Variants in L2HGDH observed in about 807,000 individuals in gnomAD.
L2HGDH encodes the protein L-2-hydroxyglutarate dehydrogenase, mitochondrial.
In L2HGDH, 34 loss-of-function variants were observed where a neutral mutation model predicts 51.5. The ratio of observed to expected loss-of-function variants is 0.66; its 90% CI spans 0.50 to 0.88. The LOEUF (loss-of-function observed/expected upper bound fraction) is 0.88. Ranked by LOEUF, L2HGDH falls within the 40% of genes least tolerant of loss-of-function variation. The pLI, the probability that L2HGDH is intolerant of heterozygous loss-of-function variation, is 0.00. For missense variants in L2HGDH, 558 were observed against 571.9 expected (o/e 0.98, Z 0.25); for synonymous variants, 198 against 197.9 (o/e 1.00, Z -0.01).
At chr14:50,309,671 A>C (rs945322684) in intron 1 of L2HGDH, among the ~76,000 whole-genome samples, 4 of 148,766 alleles carry the variant, frequency 2.7e-5, no homozygotes, top group African/African-American at 9.9e-5. Context: ...GTGGCAATAG[A>C]ATATTTTTAT....
At chr14:50,253,677 C>A (rs1033538739) in intron 9 of L2HGDH, among the ~76,000 whole-genome samples, 10 of 152,080 alleles carry the variant, frequency 6.6e-5, no homozygotes, top group Non-Finnish European at 2.9e-5. Flanking sequence ...AATCCCACTG[C>A]TGGATATATA....
chr14:50,305,824 ATG>A (rs1241477233), intron 1 of L2HGDH, among the ~76,000 whole-genome samples: 1 of 152,216 alleles, frequency 6.6e-6, no homozygotes, highest in Non-Finnish European at 1.5e-5. Flanking sequence ...TGTATACGAA[ATG>A]GCACAGTATT....
chr14:50,266,507 G>GT (rs1889342624), intron 8 of L2HGDH, among the ~76,000 whole-genome samples: 2 of 152,138 alleles, frequency 1.3e-5, no homozygotes, highest in Admixed American at 1.3e-4. Context: ...TCTGGGCATG[G>GT]TAGCATCTGC....
At position 50,244,324 on chromosome 14, in the gene L2HGDH, C is replaced by T; in HGVS notation, c.*2734G>A. On this transcript the variant is annotated 3_prime_UTR_variant, in exon 10 of 10. Transcript: ENST00000267436. The stretch of plus-strand genomic sequence containing the variant: ...ACAGTGTAAAAGTGTTCCTATTTCT[C>T]CACATCCTCTCCAGCACCTGTTGTT... 1 of 923,702 alleles carries T rather than the reference C, an allele frequency of 1.1e-6. No individual in the cohort carries two copies. The highest frequency in any genetic ancestry group is 1.3e-6 in the Non-Finnish European group (1 of 773,754). The allele number at this position is 923,702 out of a possible 1,614,324, so 57.2% of individuals were successfully genotyped here.
intron 3 of L2HGDH, among the ~76,000 whole-genome samples, chr14:50,297,348 T>C (rs984206533): frequency 4.0e-5 from 6 of 149,868 alleles, no homozygotes. Flanking sequence ...ATCCTGCATA[T>C]AGTAAAGCCT....
At position 50,247,198 on chromosome 14, in the gene L2HGDH, C is replaced by T; in HGVS notation, c.1252G>A (p.Asp418Asn). The T allele has an allele frequency of 3.1e-6, 5 of 1,614,162 alleles. No homozygotes were observed. The highest frequency in any genetic ancestry group is 4.2e-6 in the Non-Finnish European group (5 of 1,180,026). Residue 418 changes from aspartate to asparagine, a missense_variant, in exon 10 of 10, where the codon GAT becomes AAT. By Grantham distance (23) the Asp-to-Asn change is conservative. Coordinates refer to ENST00000267436, the MANE Select transcript of L2HGDH (RefSeq NM_024884.3). ...ALDRDGNLVE[D>N]FVFDAGVGDI... ...CCAACTCCTGCATCAAATACAAAAT[C>T]TTCTACCAGATTTCCATCTCTATCC...
intron 5 of L2HGDH, among the ~76,000 whole-genome samples, chr14:50,280,143 G>C (rs1231129326): frequency 1.3e-5 from 2 of 149,282 alleles, no homozygotes; most frequent in East Asian, 3.9e-4. Context: ...ACCTCTCTAA[G>C]ACTGAGCCAC....
At chr14:50,285,165 T>C (rs564919100) in intron 4 of L2HGDH, among the ~76,000 whole-genome samples, 90 of 152,310 alleles carry the variant, frequency 5.9e-4, no homozygotes, top group Non-Finnish European at 1.1e-3. Flanking sequence ...GAGAATTGCT[T>C]GAACCCCAGA....
chr14:50,279,502 C>G (rs1299513764), intron 5 of L2HGDH, among the ~76,000 whole-genome samples: 1 of 152,018 alleles, frequency 6.6e-6, no homozygotes, highest in African/African-American at 2.4e-5. Context: ...TTACTAGGTG[C>G]TATTTCCAGA....
chr14:50,253,193 A>G (rs965945324), intron 9 of L2HGDH, among the ~76,000 whole-genome samples: 1 of 152,246 alleles, frequency 6.6e-6, no homozygotes, highest in Admixed American at 6.6e-5. Flanking sequence ...GGATCACATC[A>G]AGTTAAAAAG....
intron 6 of L2HGDH, among the ~76,000 whole-genome samples, chr14:50,276,319 A>T (rs1037969747): frequency 6.6e-6 from 1 of 152,264 alleles, no homozygotes; most frequent in Non-Finnish European, 1.5e-5. Flanking sequence ...GAAGGAAATT[A>T]TAAATATTGG....
chr14:50,253,665 G>C (rs1000180919), intron 9 of L2HGDH, among the ~76,000 whole-genome samples: 1 of 152,102 alleles, frequency 6.6e-6, no homozygotes, highest in African/African-American at 2.4e-5. Context: ...ACATGATCCA[G>C]CAATCCCACT....
chr14:50,297,912 G>A (rs1038475269), intron 3 of L2HGDH, among the ~76,000 whole-genome samples: 1 of 149,078 alleles, frequency 6.7e-6, no homozygotes, highest in African/African-American at 2.5e-5. Context: ...ACCAACTTGA[G>A]CAACGGAGGG....
chr14:50,278,957 G>A (rs1890115309), intron 5 of L2HGDH, among the ~76,000 whole-genome samples: 1 of 152,158 alleles, frequency 6.6e-6, no homozygotes, highest in Non-Finnish European at 1.5e-5. Context: ...TTCCTTGCAG[G>A]TTCTATGTTG....
chr14:50,243,002 G>A lies in L2HGDH; in HGVS notation c.*4056C>T, dbSNP rs149991928. ...TACAAACTCCCGTAGGCCAGGGCCT[G>A]GCAGTATACCCCATTCTCACCACCA... is the stretch of plus-strand genomic sequence containing the variant. On this transcript the variant is annotated 3_prime_UTR_variant, in exon 10 of 10. Transcript: ENST00000267436. 7.8e-4 allele frequency: 772 copies of A among 985,440 alleles called. 9 individuals are homozygous for A. The African/African-American group carries it at 0.013, about 16-fold the overall frequency. The allele number at this position is 985,440 out of a possible 1,614,324, so 61.0% of individuals were successfully genotyped here.
At chr14:50,279,946 G>C (rs1175032191) in intron 5 of L2HGDH, among the ~76,000 whole-genome samples, 1 of 151,684 alleles carries the variant, frequency 6.6e-6, no homozygotes, top group Non-Finnish European at 1.5e-5. Context: ...TGTAATCCCA[G>C]CTACTCAGGA....
At position 50,245,819 on chromosome 14, in the gene L2HGDH, T is replaced by A. The variant is rs1887966099; in HGVS notation, c.*1239A>T. Reference sequence around the variant, plus strand: ...GGTCATGGTTGGTAAGGACAGGTCATTAACAAAGTCAGGGATTCAGGGCTG... The same window carrying A: ...GGTCATGGTTGGTAAGGACAGGTCAATAACAAAGTCAGGGATTCAGGGCTG... On this transcript the variant is annotated 3_prime_UTR_variant, in exon 10 of 10. Coordinates refer to ENST00000267436, the MANE Select transcript of L2HGDH (RefSeq NM_024884.3). 1 of 985,278 alleles carries A rather than the reference T, an allele frequency of 1.0e-6. No homozygotes were observed. Among genetic ancestry groups the A allele is most frequent in the African/African-American group, 1.7e-5 (1 of 57,228 alleles). 61.0% of individuals were successfully genotyped at this position (985,278 alleles called of 1,614,324 possible).
chr14:50,303,579 C>G (rs2030548955), intron 1 of L2HGDH, among the ~76,000 whole-genome samples: 1 of 151,544 alleles, frequency 6.6e-6, no homozygotes, highest in South Asian at 2.1e-4. Context: ...GAGTTCAAGA[C>G]CAGCCCGGCC....
chr14:50,303,725 C>A (rs2030557426), intron 1 of L2HGDH, among the ~76,000 whole-genome samples: 1 of 145,044 alleles, frequency 6.9e-6, no homozygotes, highest in Non-Finnish European at 1.5e-5. Flanking sequence ...TGCAATGAGC[C>A]GAGGTCATGC....
Sources: allele counts gnomAD v4.1 joint callset (sites outside exome capture counted in the v4.1 genomes callset), GRCh38; gene constraint gnomAD v4.1.1; transcripts MANE v1.5; gene names NCBI Gene and HGNC (gene_info 2026-07-23, HGNC 2026-07-21).